The following PRICKLE2 variants were observed in gnomAD, a reference collection of about 807,000 sequenced individuals.
PRICKLE2 encodes the protein prickle-like protein 2.
Under a neutral mutation model 81.4 loss-of-function variants are expected in PRICKLE2, and 21 were observed. The observed-to-expected ratio is 0.26, with a 90% CI of 0.18 to 0.37. The LOEUF (loss-of-function observed/expected upper bound fraction) is 0.37, where lower values mean the gene tolerates loss of function less well. Among genes scored for constraint, PRICKLE2 ranks in the 10% least tolerant of loss-of-function variants. The probability of loss-of-function intolerance (pLI) is 1.00; values close to 1 mark genes in which losing one functional copy is unlikely to be tolerated. For missense variants in PRICKLE2, 940 were observed against 1,109.0 expected, an observed-to-expected ratio of 0.85 and a Z score of 2.16; for synonymous variants, 456 against 421.5, an observed-to-expected ratio of 1.08 and a Z score of -1.00.
chr3:64,105,468 G>A (rs2076739960), intron 7 of PRICKLE2, among the ~76,000 whole-genome samples: 1 of 152,096 alleles, frequency 6.6e-6, no homozygotes, highest in Admixed American at 6.6e-5. Flanking sequence ...CCACAGCTTG[G>A]AAAAAAGCAA....
At chr3:64,202,750 G>GTCTTTTATT (rs1294187166) in intron 1 of PRICKLE2, among the ~76,000 whole-genome samples, 1 of 151,632 alleles carries the variant, frequency 6.6e-6, no homozygotes, top group African/African-American at 2.4e-5. Flanking sequence ...TTAATCTGAT[G>GTCTTTTATT]TCTTTTATTT....
chr3:64,193,981 A>G (rs1319342230), intron 2 of PRICKLE2, among the ~76,000 whole-genome samples: 1 of 152,260 alleles, frequency 6.6e-6, no homozygotes, highest in African/African-American at 2.4e-5. Context: ...ATGCACAGGC[A>G]AAAAGGTTGA....
chr3:64,159,118 A>G (rs1487092342), intron 4 of PRICKLE2, among the ~76,000 whole-genome samples: 2 of 152,156 alleles, frequency 1.3e-5, no homozygotes, highest in Admixed American at 1.3e-4. Context: ...TGAGCACTCA[A>G]CAGGAGCAGA....
chr3:64,125,283 T>C (rs1374741148), intron 7 of PRICKLE2, among the ~76,000 whole-genome samples: 3 of 152,230 alleles, frequency 2.0e-5, no homozygotes, highest in Non-Finnish European at 4.4e-5. Context: ...CTGGTGAAGA[T>C]GCTACGAACA....
At chr3:64,103,929 G>A (rs2076710385) in intron 7 of PRICKLE2, among the ~76,000 whole-genome samples, 2 of 152,166 alleles carry the variant, frequency 1.3e-5, no homozygotes, top group Admixed American at 1.3e-4. Flanking sequence ...GCAGTGAGCC[G>A]AGATTGTGCA....
chr3:64,198,911 G>A lies in PRICKLE2; in HGVS notation c.17C>T (p.Pro6Leu), dbSNP rs758069667. ...GCTGATGGTCTTCTCCATCTCCAGC[G>A]GCATCACTGTCACCATGTGCTCCTC... MVTVM[P>L]LEMEKTISKL... Residue 6 changes from proline to leucine, a missense_variant, in exon 2 of 8, where the codon CCG (proline) becomes CTG (leucine). This residue lies in a region of PRICKLE2 where 270 missense variants were observed against 391.8 expected (regional missense o/e 0.69). Coordinates refer to ENST00000638394, the MANE Select transcript of PRICKLE2 (RefSeq NM_198859.4). 10 of 1,614,030 alleles carry A rather than the reference G, an allele frequency of 6.2e-6. No homozygotes were observed. The highest frequency in any genetic ancestry group is 3.3e-5 in the Admixed American group (2 of 59,998).
chr3:64,145,099 T>A (rs149913940), intron 7 of PRICKLE2, among the ~76,000 whole-genome samples: 44,106 of 140,218 alleles, frequency 0.31, 7,387 homozygotes, highest in East Asian at 0.5. Flanking sequence ...AATATTAAAT[T>A]TTTTTTTTTT....
chr3:64,107,260 G>C (rs1027882527), intron 7 of PRICKLE2, among the ~76,000 whole-genome samples: 3 of 152,162 alleles, frequency 2.0e-5, no homozygotes, highest in Admixed American at 6.5e-5. Context: ...ATTTCTGTCT[G>C]AGAAATGTTT....
At chr3:64,267,649 C>A (rs1417374572) in intron 2 of PRICKLE2, among the ~76,000 whole-genome samples, 1 of 152,010 alleles carries the variant, frequency 6.6e-6, no homozygotes, top group East Asian at 1.9e-4. Flanking sequence ...ACCATCGCCT[C>A]GTGATATTAT....
At chr3:64,240,719 AC>A (rs1264918404) in intron 2 of PRICKLE2, among the ~76,000 whole-genome samples, 1 of 152,164 alleles carries the variant, frequency 6.6e-6, no homozygotes, top group African/African-American at 2.4e-5. Context: ...TCACCAGGGA[AC>A]TTGTTTAAAG....
chr3:64,186,721 C>A (rs998747087), intron 2 of PRICKLE2, among the ~76,000 whole-genome samples: 14 of 152,148 alleles, frequency 9.2e-5, no homozygotes, highest in Non-Finnish European at 1.5e-5. Context: ...CAAATAAATG[C>A]ATAAAGGAAG....
At chr3:64,163,227 G>T in intron 2 of PRICKLE2, 98 bp from the exon 3 acceptor site, 1 of 797,282 alleles carries the variant, frequency 1.3e-6, no homozygotes, top group South Asian at 1.3e-5. Context: ...GGATGTAACT[G>T]ACTTCTGCAG....
chr3:64,230,764 G>A (rs1273866833), intron 2 of PRICKLE2, among the ~76,000 whole-genome samples: 1 of 152,198 alleles, frequency 6.6e-6, no homozygotes, highest in Non-Finnish European at 1.5e-5. Flanking sequence ...ATAAAATGGA[G>A]ACATCTCTTT....
At chr3:64,258,845 A>AAAAAGAAAGAAAG (rs2079570108) in intron 2 of PRICKLE2, among the ~76,000 whole-genome samples, 1 of 34,000 alleles carries the variant, frequency 2.9e-5, no homozygotes, top group African/African-American at 1.3e-4. Flanking sequence ...AAAAAAAAAA[A>AAAAAGAAAGAAAG]AAAGAAAGAA....
rs1393347472 is a variant in PRICKLE2, at chr3:64,159,925, T to C, written c.396+15A>G. 1 of 1,614,096 alleles carries C rather than the reference T, an allele frequency of 6.2e-7. No homozygotes were observed. Among genetic ancestry groups the C allele is most frequent in the Admixed American group, 1.7e-5 (1 of 60,006 alleles). On this transcript the variant is annotated intron_variant, in intron 4 of 7. Coordinates refer to ENST00000638394, the MANE Select transcript of PRICKLE2 (RefSeq NM_198859.4). ...CCAGAACAATGCCTCTTCACTCCCC[T>C]GAATCCATGCTTACCTGTTCACAAA...
intron 2 of PRICKLE2, among the ~76,000 whole-genome samples, chr3:64,184,764 T>C (rs1478621378): frequency 1.3e-5 from 2 of 152,198 alleles, no homozygotes; most frequent in East Asian, 1.9e-4. Context: ...ATTACAGGTA[T>C]GAGTCACTGT....
At chr3:64,185,194 T>C (rs1240704240) in intron 2 of PRICKLE2, among the ~76,000 whole-genome samples, 1 of 152,156 alleles carries the variant, frequency 6.6e-6, no homozygotes, top group African/African-American at 2.4e-5. Flanking sequence ...CCAGTGAGGA[T>C]GGAGACACCA....
At chr3:64,177,430 G>T (rs1203430297) in intron 2 of PRICKLE2, among the ~76,000 whole-genome samples, 1 of 152,048 alleles carries the variant, frequency 6.6e-6, no homozygotes, top group African/African-American at 2.4e-5. Flanking sequence ...ACCATGCCTG[G>T]CCTCATTTTA....
chr3:64,203,999 A>G (rs1052644135), intron 1 of PRICKLE2, among the ~76,000 whole-genome samples: 2 of 151,840 alleles, frequency 1.3e-5, no homozygotes, highest in Admixed American at 6.6e-5. Context: ...ACACACATAC[A>G]CTCTAAAACA....
Sources: allele counts gnomAD v4.1 joint callset (sites outside exome capture counted in the v4.1 genomes callset), GRCh38; gene constraint gnomAD v4.1.1; regional missense constraint gnomAD v4.1.1; transcripts MANE v1.5; gene names NCBI Gene and HGNC (gene_info 2026-07-23, HGNC 2026-07-21).